Variants in MEGF11 observed in about 807,000 individuals in gnomAD.
The protein encoded by MEGF11 is multiple epidermal growth factor-like domains protein 11.
In MEGF11, 126 loss-of-function variants were observed where a neutral mutation model predicts 146.6. The observed-to-expected ratio is 0.86, with a 90% CI of 0.74 to 1.00. MEGF11 has a LOEUF of 1.00. Ranked by LOEUF, MEGF11 falls within the 50% of genes least tolerant of loss-of-function variation. The probability of loss-of-function intolerance (pLI) is 0.00; values close to 1 mark genes in which losing one functional copy is unlikely to be tolerated. For synonymous variants in MEGF11, 532 were observed against 583.4 expected (o/e 0.91, Z 1.27); for missense variants, 1,509 against 1,521.2 (o/e 0.99, Z 0.13).
intron 5 of MEGF11, among the ~76,000 whole-genome samples, chr15:66,042,765 G>A (rs2084040662): frequency 6.6e-6 from 1 of 152,104 alleles, no homozygotes; most frequent in Non-Finnish European, 1.5e-5. Context: ...GCTCCGCTTT[G>A]GCCACCTCAT....
At chr15:66,251,148 G>A (rs911927932) in intron 1 of MEGF11, among the ~76,000 whole-genome samples, 3 of 152,204 alleles carry the variant, frequency 2.0e-5, no homozygotes, top group Non-Finnish European at 4.4e-5. Context: ...AGCTTCCCTA[G>A]TGATTCTCAC....
intron 1 of MEGF11, among the ~76,000 whole-genome samples, chr15:66,231,316 C>T (rs889690997): frequency 1.6e-4 from 24 of 151,838 alleles, no homozygotes; most frequent in African/African-American, 5.8e-4. Context: ...AGATGAACCC[C>T]CCTGAGGGCT....
chr15:66,098,622 G>A (rs1168060863), intron 4 of MEGF11, among the ~76,000 whole-genome samples: 22 of 152,090 alleles, frequency 1.4e-4, no homozygotes, highest in Admixed American at 1.2e-3. Context: ...AGCCACCCCC[G>A]AACCCAGTCT....
Position 65,908,798 on chromosome 15 carries a change from C to T in MEGF11, c.2998+236G>A, listed in dbSNP as rs192331207. On this transcript the variant is annotated intron_variant, in intron 23 of 25. Coordinates refer to ENST00000395614, the MANE Select transcript of MEGF11 (RefSeq NM_001385028.1). ...GTTGTATCTTCTCCACCCTAAATAG[C>T]CTGTTTGTTCACATCCACCGTTCAC... 6.6e-4 allele frequency among the ~76,000 whole-genome samples: 101 copies of T among 152,264 alleles called. 1 individual carries two copies. The highest frequency in any genetic ancestry group is 3.5e-4 in the Non-Finnish European group (24 of 68,020).
intron 5 of MEGF11, among the ~76,000 whole-genome samples, chr15:65,983,051 G>T (rs907345755): frequency 8.6e-5 from 13 of 151,942 alleles, no homozygotes; most frequent in African/African-American, 2.9e-4. Flanking sequence ...CACTCTCTGG[G>T]AATATTTCCT....
intron 1 of MEGF11, among the ~76,000 whole-genome samples, chr15:66,244,533 C>T (rs2092266901): frequency 6.6e-6 from 1 of 152,086 alleles, no homozygotes; most frequent in South Asian, 2.1e-4. Flanking sequence ...CAATAGAAAA[C>T]ATAGAGGAAA....
In MEGF11 at chr15:66,107,060, C is replaced by CCT. The variant is rs111544754; in HGVS notation, c.301+12025_301+12026insAG. Among the ~76,000 whole-genome samples the CCT allele has an allele frequency of 2.0e-5, 3 of 150,840 alleles. No individual in the cohort carries two copies. The East Asian group carries it at 5.8e-4, about 29-fold the overall frequency. On this transcript the variant is annotated intron_variant, in intron 4 of 25. Transcript: ENST00000395614. ...GTTCAATGTTTATATTCCTACCCCC[C>CCT]CACCAGGTATAGACAGGGAGGGGAT...
intron 5 of MEGF11, among the ~76,000 whole-genome samples, chr15:66,033,498 G>T (rs562426606): frequency 6.6e-6 from 1 of 152,386 alleles, no homozygotes; most frequent in African/African-American, 2.4e-5. Context: ...GGAACAGGCA[G>T]TAAGCCTTGG....
chr15:66,128,239 G>T, intron 2 of MEGF11, 67 bp downstream of exon 2: 1 of 1,072,746 alleles, frequency 9.3e-7, no homozygotes. Context: ...GACTGCCTCT[G>T]TCCCCTACTG....
intron 1 of MEGF11, among the ~76,000 whole-genome samples, chr15:66,153,291 T>G (rs2089634946): frequency 6.6e-6 from 1 of 152,174 alleles, no homozygotes; most frequent in Admixed American, 6.5e-5. Context: ...AAAGCAGTTC[T>G]GGGCCAGGCG....
At chr15:66,114,069 G>A (rs567942056) in intron 4 of MEGF11, among the ~76,000 whole-genome samples, 52 of 152,222 alleles carry the variant, frequency 3.4e-4, no homozygotes, top group African/African-American at 1.2e-3. Context: ...ATTCTGGTTC[G>A]GCAGCTCACG....
At chr15:66,105,795 CCTAT>C (rs779040584) in intron 4 of MEGF11, among the ~76,000 whole-genome samples, 40 of 152,314 alleles carry the variant, frequency 2.6e-4, no homozygotes, top group Non-Finnish European at 5.1e-4. Flanking sequence ...CTGTTGATTT[CCTAT>C]CAGGCCTCCG....
chr15:65,915,646 C>A, intron 18 of MEGF11, 48 bp from the exon 19 acceptor site: 1 of 1,596,954 alleles, frequency 6.3e-7, no homozygotes, highest in East Asian at 2.2e-5. Flanking sequence ...ACTCTCCACC[C>A]CTCCCCTTCC....
intron 5 of MEGF11, among the ~76,000 whole-genome samples, chr15:65,995,874 G>A (rs946413410): frequency 3.9e-5 from 6 of 152,156 alleles, no homozygotes; most frequent in East Asian, 1.9e-4. Flanking sequence ...CACACAATGC[G>A]CCCTACTATA....
At chr15:66,036,213 C>T (rs532723824) in intron 5 of MEGF11, among the ~76,000 whole-genome samples, 10 of 152,356 alleles carry the variant, frequency 6.6e-5, no homozygotes, top group East Asian at 1.9e-4. Flanking sequence ...CATGATTCTT[C>T]GGAGGGACTC....
At chr15:65,943,925 C>A (rs1166594456) in intron 10 of MEGF11, among the ~76,000 whole-genome samples, 2 of 152,136 alleles carry the variant, frequency 1.3e-5, no homozygotes, top group East Asian at 1.9e-4. Context: ...CAGTGGCCTG[C>A]AGAGCCAGAG....
At chr15:65,951,381 A>G (rs968823289) in intron 10 of MEGF11, among the ~76,000 whole-genome samples, 2 of 152,198 alleles carry the variant, frequency 1.3e-5, no homozygotes, top group African/African-American at 4.8e-5. Context: ...CCTGAGGTCA[A>G]CTGTGGTTTT....
chr15:66,124,893 G>C (rs1186763146), intron 2 of MEGF11, among the ~76,000 whole-genome samples: 1 of 152,270 alleles, frequency 6.6e-6, no homozygotes, highest in African/African-American at 2.4e-5. Context: ...CTGGAGAGAG[G>C]ACCTCAGCTG....
At chr15:66,160,722 T>C (rs1258322485) in intron 1 of MEGF11, among the ~76,000 whole-genome samples, 1 of 147,862 alleles carries the variant, frequency 6.8e-6, no homozygotes, top group African/African-American at 2.5e-5. Context: ...CCCTAGGAAT[T>C]TATTCCTGCC....
Sources: gnomAD v4.1 joint callset for allele counts (sites outside exome capture counted in the v4.1 genomes callset) on GRCh38, gnomAD v4.1.1 for gene constraint, MANE v1.5 for transcripts, NCBI Gene and HGNC (gene_info 2026-07-23, HGNC 2026-07-21) for gene names.